The following PRKN variants were observed in gnomAD, a reference collection of about 807,000 sequenced individuals.
PRKN encodes the protein E3 ubiquitin-protein ligase parkin.
PRKN carries 56 observed loss-of-function variants against 59.5 expected under a neutral mutation model. The observed-to-expected ratio is 0.94, with a 90% CI of 0.76 to 1.18. The LOEUF is 1.18. PRKN is among the 50% of genes most tolerant of loss of function. The pLI is 0.00. For synonymous variants in PRKN, 250 were observed against 222.1 expected, an observed-to-expected ratio of 1.13 and a Z score of -1.12; for missense variants, 657 against 596.4, an observed-to-expected ratio of 1.10 and a Z score of -1.06.
rs981721338 is a variant in PRKN at position 161,460,642 on chromosome 6, C to T, written c.1084-73765G>A. Among the ~76,000 whole-genome samples, 9 of 152,122 alleles carry T rather than the reference C, an allele frequency of 5.9e-5. No homozygotes were observed. The highest frequency in any genetic ancestry group is 1.3e-4 in the Admixed American group (2 of 15,276). On this transcript the variant is annotated intron_variant, in intron 9 of 11. Transcript: ENST00000366898. This position sits in a 1 kb window ranked among gnomAD's most constrained non-coding sequence, Gnocchi z 5.0. ...CAAGCTGAAGAAGACACAACTTCAT[C>T]GCCGTGAGCATGACTTCCAGGGATG...
In PRKN at chr6:162,646,785, G is replaced by A. The variant is rs558629059; in HGVS notation, c.7+80877C>T. ...TCCTGGGCTACAAGCTGAACAGCAT[G>A]TTACTCTACTGCATACTGTAGGCAA... On this transcript the variant is annotated intron_variant, in intron 1 of 11. Transcript: ENST00000366898. Among the ~76,000 whole-genome samples, 135 of 152,246 alleles carry A rather than the reference G, an allele frequency of 8.9e-4. 1 individual carries two copies. The highest frequency in any genetic ancestry group is 1.9e-3 in the Admixed American group (29 of 15,290).
chr6:162,034,025 G>A (rs1783742166), intron 5 of PRKN, among the ~76,000 whole-genome samples: 1 of 152,002 alleles, frequency 6.6e-6, no homozygotes, highest in Middle Eastern at 3.4e-3. Context: ...TAGTATAAAC[G>A]ATCTTTGGGA....
At position 161,766,456 on chromosome 6, in the gene PRKN, C is replaced by A. The variant is rs541188836; in HGVS notation, c.871+19316G>T. 2.8e-3 allele frequency among the ~76,000 whole-genome samples: 419 copies of A among 152,096 alleles called. 2 individuals are homozygous for A. Among genetic ancestry groups the A allele is most frequent in the African/African-American group, 9.7e-3 (402 of 41,508 alleles). On this transcript the variant is annotated intron_variant, in intron 7 of 11. Coordinates refer to ENST00000366898, the MANE Select transcript of PRKN (RefSeq NM_004562.3). ...CTGAGTAGCTGGGACTACAGGTGCACGCCACCATGCCCAGCTAATTTTTCT... is the reference window on the plus strand; with the variant it reads ...CTGAGTAGCTGGGACTACAGGTGCAAGCCACCATGCCCAGCTAATTTTTCT...
chr6:161,974,003 G>A (rs117235586), intron 5 of PRKN, among the ~76,000 whole-genome samples: 3 of 152,194 alleles, frequency 2.0e-5, no homozygotes, highest in Non-Finnish European at 2.9e-5. Flanking sequence ...GCGTTGGCTC[G>A]CGCCTGTAAT....
At chr6:162,727,310 G>C in intron 1 of PRKN, 1 of 370,062 alleles carries the variant, frequency 2.7e-6, no homozygotes, top group South Asian at 3.7e-5. Context: ...GCGGCGGCGG[G>C]GCGAAGGTGA....
rs1234336935 is a variant in PRKN, at chr6:162,274,185, ATTT to A, written c.172-11423_172-11421del. Among the ~76,000 whole-genome samples, 30 of 144,574 alleles carry A rather than the reference ATTT, an allele frequency of 2.1e-4. No individual in the cohort carries two copies. In the East Asian group the frequency reaches 2.5e-3, roughly 12 times the overall value. The allele number at this position is 144,574 out of a possible 152,430, so 94.8% of individuals were successfully genotyped here. ...AATTAATTTATTAATTTATTAATGT[ATTT>A]ATTTATTTATTTATTTTGTGAGACC... On this transcript the variant is annotated intron_variant, in intron 2 of 11. Transcript: ENST00000366898.
At chr6:162,300,879 T>C (rs774646533) in intron 2 of PRKN, among the ~76,000 whole-genome samples, 5 of 152,186 alleles carry the variant, frequency 3.3e-5, no homozygotes, top group African/African-American at 7.2e-5. Context: ...CAAAATAAAA[T>C]GCATGTCAGG....
intron 7 of PRKN, among the ~76,000 whole-genome samples, chr6:161,573,742 A>AT (rs1780997190): frequency 5.6e-4 from 18 of 32,024 alleles, no homozygotes; most frequent in Non-Finnish European, 7.7e-4. Flanking sequence ...AAAAAAAAAA[A>AT]AAAAAAAAAA....
chr6:162,331,308 C>T (rs1783560584), intron 2 of PRKN, among the ~76,000 whole-genome samples: 1 of 152,206 alleles, frequency 6.6e-6, no homozygotes, highest in African/African-American at 2.4e-5. Context: ...TGGGTGGAGA[C>T]ACAGAGCCAA....
intron 2 of PRKN, among the ~76,000 whole-genome samples, chr6:162,409,476 C>G (rs1788243750): frequency 6.6e-6 from 1 of 152,090 alleles, no homozygotes; most frequent in Non-Finnish European, 1.5e-5. Flanking sequence ...TTTTCTGTAG[C>G]ACACCCCACC....
intron 7 of PRKN, among the ~76,000 whole-genome samples, chr6:161,577,218 C>T (rs1039012206): frequency 3.3e-5 from 5 of 152,178 alleles, no homozygotes; most frequent in African/African-American, 1.2e-4. Context: ...CCCTATAAGG[C>T]AGGTACTATT....
chr6:161,720,706 G>A (rs911024680), intron 7 of PRKN, among the ~76,000 whole-genome samples: 4 of 151,982 alleles, frequency 2.6e-5, no homozygotes, highest in Non-Finnish European at 2.9e-5. Flanking sequence ...AATGCCCTTT[G>A]CTTTCAAAAT....
intron 2 of PRKN, among the ~76,000 whole-genome samples, chr6:162,429,621 C>A (rs187332825): frequency 2.0e-5 from 3 of 152,202 alleles, no homozygotes; most frequent in Admixed American, 2.0e-4. Flanking sequence ...CGCCACCTGC[C>A]CCATTTCGCC....
chr6:162,092,536 A>C (rs143855268), intron 4 of PRKN, among the ~76,000 whole-genome samples: 6 of 152,262 alleles, frequency 3.9e-5, no homozygotes, highest in Admixed American at 2.6e-4. Flanking sequence ...ATGCATTATT[A>C]TGTTGGTCTT....
chr6:162,598,288 T>G (rs1781566244), intron 1 of PRKN, among the ~76,000 whole-genome samples: 1 of 152,146 alleles, frequency 6.6e-6, no homozygotes, highest in South Asian at 2.1e-4. Flanking sequence ...CTTAATCTAC[T>G]GAAAGAAAAA....
At chr6:161,644,596 A>G (rs978706662) in intron 7 of PRKN, among the ~76,000 whole-genome samples, 1 of 152,140 alleles carries the variant, frequency 6.6e-6, no homozygotes, top group African/African-American at 2.4e-5. Flanking sequence ...CGCCTGACCT[A>G]GGCACTGCCA....
intron 6 of PRKN, among the ~76,000 whole-genome samples, chr6:161,928,639 G>A (rs1207779886): frequency 1.3e-5 from 2 of 152,108 alleles, no homozygotes; most frequent in Non-Finnish European, 2.9e-5. Context: ...TTTGCCAGAC[G>A]CCATAGTATA....
At position 161,782,730 on chromosome 6, in the gene PRKN, C is replaced by T. The variant is rs186884451; in HGVS notation, c.871+3042G>A. ...TTAACATGGCGAAACCCCATCTCTACTAAAAATACAAAAATTAGCAGGGCA... is the reference window on the plus strand; with the variant it reads ...TTAACATGGCGAAACCCCATCTCTATTAAAAATACAAAAATTAGCAGGGCA... On this transcript the variant is annotated intron_variant, in intron 7 of 11. Coordinates refer to ENST00000366898, the MANE Select transcript of PRKN (RefSeq NM_004562.3). Among the ~76,000 whole-genome samples, 793 of 151,960 alleles carry T rather than the reference C, an allele frequency of 5.2e-3. 2 individuals are homozygous for T. Among genetic ancestry groups the T allele is most frequent in the Non-Finnish European group, 8.0e-3 (545 of 67,976 alleles).
intron 1 of PRKN, among the ~76,000 whole-genome samples, chr6:162,475,318 T>C (rs112545812): frequency 2.6e-4 from 40 of 152,260 alleles, no homozygotes; most frequent in African/African-American, 9.4e-4. Context: ...TTATTCAACG[T>C]CAAGTGTTGT....
Sources: allele counts gnomAD v4.1 joint callset (sites outside exome capture counted in the v4.1 genomes callset), GRCh38; gene constraint gnomAD v4.1.1; non-coding constraint Gnocchi (gnomAD v3.1); transcripts MANE v1.5; gene names NCBI Gene and HGNC (gene_info 2026-07-23, HGNC 2026-07-21).